PDE1C: variants seen among roughly 807,000 people sequenced by gnomAD.
PDE1C encodes dual specificity calcium/calmodulin-dependent 3',5'-cyclic nucleotide phosphodiesterase 1C.
PDE1C carries 62 observed loss-of-function variants against 93.1 expected under a neutral mutation model. The observed-to-expected ratio is 0.67, with a 90% CI of 0.54 to 0.82. The LOEUF is 0.82. Among genes scored for constraint, PDE1C ranks in the 40% least tolerant of loss-of-function variants. The pLI, the probability that PDE1C is intolerant of heterozygous loss-of-function variation, is 0.00. For synonymous variants in PDE1C, 325 were observed against 310.1 expected (o/e 1.05, Z -0.50); for missense variants, 742 against 884.6 (o/e 0.84, Z 2.04).
rs1382761899 is a variant in PDE1C, at chr7:31,850,720, T to G, written c.772A>C (p.Ile258Leu). 1.2e-6 allele frequency: 2 copies of G among 1,612,844 alleles called. No individual in the cohort carries two copies. Among genetic ancestry groups the G allele is most frequent in the Non-Finnish European group, 1.7e-6 (2 of 1,179,064 alleles). Residue 258 changes from isoleucine to leucine, a missense_variant, in exon 8 of 18, where the codon ATC becomes CTC. Ile to Leu is a conservative substitution (Grantham distance 5, BLOSUM62 2). Around this residue, in one of 4 missense-constraint regions of PDE1C, gnomAD observed 205 missense variants for 295.3 expected, o/e 0.69. Coordinates refer to ENST00000396191, the MANE Select transcript of PDE1C (RefSeq NM_001191057.4). ...GVANWLTELE[I>L]FAIIFSAAIH... ...GCAGCTGAGAAGATTATAGCAAAGA[T>G]CTCCAGCTCCGTCAGCCAGTTCTGA... is the stretch of plus-strand genomic sequence containing the variant.
the PDE1C span, chr7:31,651,386 C>T: frequency 2.5e-6 from 3 of 1,207,414 alleles, no homozygotes; most frequent in Non-Finnish European, 3.3e-6. Context: ...AACCGGCCAG[C>T]TTTTCCTTTG....
At chr7:31,751,000 G>T (rs1282835807), downstream of PDE1C, among the ~76,000 whole-genome samples, 1 of 152,166 alleles carries the variant, frequency 6.6e-6, no homozygotes, top group Non-Finnish European at 1.5e-5. Flanking sequence ...TATTTACTGG[G>T]TGTATAGGGA....
chr7:31,996,530 G>C (rs892170429), intron 2 of PDE1C, among the ~76,000 whole-genome samples: 2 of 152,214 alleles, frequency 1.3e-5, no homozygotes, highest in Non-Finnish European at 2.9e-5. Flanking sequence ...ATAGAATAAA[G>C]TCAGTGAGAC....
chr7:31,682,807 C>A, the PDE1C span, among the ~76,000 whole-genome samples: 1 of 152,126 alleles, frequency 6.6e-6, no homozygotes, highest in Non-Finnish European at 1.5e-5. Flanking sequence ...AAGGAATGAA[C>A]TATTGATACA....
At chr7:31,957,439 T>C (rs766202730) in intron 2 of PDE1C, among the ~76,000 whole-genome samples, 3 of 152,130 alleles carry the variant, frequency 2.0e-5, no homozygotes, top group Non-Finnish European at 4.4e-5. Context: ...ATCTATCACC[T>C]GTAGAGGATG....
chr7:31,931,998 C>A lies in PDE1C; in HGVS notation c.129-51138G>T, dbSNP rs565401845. ...TCCCTATTTAATAAATGGTGCTGGG[C>A]AAACTGGCTAGTCATATGCAGAAAA... On this transcript the variant is annotated intron_variant, in intron 2 of 17. Transcript: ENST00000396191. Among the ~76,000 whole-genome samples the A allele has an allele frequency of 5.0e-4, 76 of 152,132 alleles. No individual in the cohort carries two copies. The South Asian group carries it at 0.014, about 29-fold the overall frequency.
At chr7:32,379,605 T>C (rs1027342563) in intron 1 of PDE1C, among the ~76,000 whole-genome samples, 6 of 152,190 alleles carry the variant, frequency 3.9e-5, no homozygotes, top group Admixed American at 2.0e-4. Flanking sequence ...TGAGGGTTTC[T>C]CTCTGGCCCC....
chr7:32,149,182 C>G (rs1801086833), intron 3 of PDE1C, among the ~76,000 whole-genome samples: 1 of 152,156 alleles, frequency 6.6e-6, no homozygotes, highest in Non-Finnish European at 1.5e-5. Flanking sequence ...GAGAAAGGAT[C>G]CTCCCCAACG....
chr7:32,401,304 C>T (rs978306793), intron 1 of PDE1C, among the ~76,000 whole-genome samples: 3 of 151,958 alleles, frequency 2.0e-5, no homozygotes, highest in South Asian at 2.1e-4. Flanking sequence ...TTTGGGAGGC[C>T]GAGGCGGGCA....
chr7:31,948,288 G>C (rs1806891252), intron 2 of PDE1C, among the ~76,000 whole-genome samples: 1 of 152,218 alleles, frequency 6.6e-6, no homozygotes, highest in African/African-American at 2.4e-5. Flanking sequence ...TTGACTAACA[G>C]AAACTCTCTT....
At chr7:31,774,822 G>A (rs1795722375) in intron 17 of PDE1C, among the ~76,000 whole-genome samples, 1 of 152,178 alleles carries the variant, frequency 6.6e-6, no homozygotes, top group Non-Finnish European at 1.5e-5. Context: ...AGACAGGAAG[G>A]AGAGGTAATC....
At position 31,753,209 on chromosome 7, in the gene PDE1C, G is replaced by C; in HGVS notation, c.*175C>G. 2 of 769,252 alleles carry C rather than the reference G, an allele frequency of 2.6e-6. No individual in the cohort carries two copies. Among genetic ancestry groups the C allele is most frequent in the Admixed American group, 2.8e-5 (1 of 35,270 alleles). 47.7% of individuals were successfully genotyped at this position (769,252 alleles called of 1,614,324 possible). A position where few individuals can be genotyped will look rare whatever the true frequency, so the allele number is the denominator to read the frequency against. The stretch of plus-strand genomic sequence containing the variant: ...TACAGCAATTGAAAAGTCTATACAA[G>C]AACAACAAAGAGGAAAATCACATAC... On this transcript the variant is annotated 3_prime_UTR_variant, in exon 18 of 18. Coordinates refer to ENST00000396191, the MANE Select transcript of PDE1C (RefSeq NM_001191057.4).
intron 1 of PDE1C, among the ~76,000 whole-genome samples, chr7:32,324,213 T>C (rs1324928158): frequency 6.6e-6 from 1 of 152,252 alleles, no homozygotes; most frequent in African/African-American, 2.4e-5. Flanking sequence ...TGCTATTATA[T>C]GGCCCATAAA....
chr7:31,894,108 C>A (rs1452423656), intron 2 of PDE1C, among the ~76,000 whole-genome samples: 1 of 152,190 alleles, frequency 6.6e-6, no homozygotes, highest in Non-Finnish European at 1.5e-5. Flanking sequence ...AAATGATTCT[C>A]TCTTAAAGTA....
At chr7:32,123,102 G>A (rs1350120311) in intron 3 of PDE1C, among the ~76,000 whole-genome samples, 1 of 152,062 alleles carries the variant, frequency 6.6e-6, no homozygotes, top group East Asian at 1.9e-4. Flanking sequence ...AAATAAACTA[G>A]AAAATCTAGA....
chr7:32,208,564 C>T (rs1805778869), intron 2 of PDE1C, among the ~76,000 whole-genome samples: 1 of 151,960 alleles, frequency 6.6e-6, no homozygotes, highest in Admixed American at 6.6e-5. Context: ...AAGACAGAGG[C>T]CCAGATAGTG....
chr7:32,110,530 C>A (rs1275271910), intron 3 of PDE1C, among the ~76,000 whole-genome samples: 2 of 152,172 alleles, frequency 1.3e-5, no homozygotes, highest in Non-Finnish European at 2.9e-5. Context: ...TCAGTCTATG[C>A]ACCACTCTAA....
chr7:32,178,287 G>A (rs1300402703), intron 2 of PDE1C, among the ~76,000 whole-genome samples: 1 of 152,188 alleles, frequency 6.6e-6, no homozygotes, highest in Non-Finnish European at 1.5e-5. Flanking sequence ...AATCTGGTGA[G>A]TCTTTTGGAG....
At chr7:31,686,653 T>C in the PDE1C span, 1 of 152,204 alleles carries the variant, frequency 6.6e-6, no homozygotes, top group Non-Finnish European at 1.5e-5. Context: ...AGCCCCAGCT[T>C]CCTCATCAAT....
Sources: allele counts gnomAD v4.1 joint callset (sites outside exome capture counted in the v4.1 genomes callset), GRCh38; gene constraint gnomAD v4.1.1; regional missense constraint gnomAD v4.1.1; transcripts MANE v1.5; gene names NCBI Gene and HGNC (gene_info 2026-07-23, HGNC 2026-07-21).